The following KLF12 variants were observed in gnomAD, a reference collection of about 807,000 sequenced individuals.
The protein encoded by KLF12 is KLF transcription factor 12, also known as Krueppel-like factor 12.
KLF12 carries 9 observed loss-of-function variants against 37.8 expected under a neutral mutation model. The observed-to-expected ratio is 0.24, with a 90% CI of 0.14 to 0.42. KLF12 has a LOEUF of 0.42. Ranked by LOEUF, KLF12 falls within the 10% of genes least tolerant of loss-of-function variation. KLF12 has a pLI of 1.00. For synonymous variants in KLF12, 208 were observed against 202.1 expected (o/e 1.03, Z -0.25); for missense variants, 411 against 516.0 (o/e 0.80, Z 1.97).
At chr13:74,194,791 G>T in the KLF12 span, among the ~76,000 whole-genome samples, 1 of 152,218 alleles carries the variant, frequency 6.6e-6, no homozygotes, top group Non-Finnish European at 1.5e-5. Context: ...TGAGATAGAT[G>T]TCACTCCCAT....
the KLF12 span, among the ~76,000 whole-genome samples, chr13:74,296,850 G>A: frequency 6.6e-6 from 1 of 152,144 alleles, no homozygotes; most frequent in Non-Finnish European, 1.5e-5. Flanking sequence ...ATTTGTAACA[G>A]ACTGTCCAGG....
chr13:73,735,507 C>T (rs1476274929), intron 6 of KLF12, among the ~76,000 whole-genome samples: 1 of 151,954 alleles, frequency 6.6e-6, no homozygotes, highest in African/African-American at 2.4e-5. Flanking sequence ...TGAGCCAGGT[C>T]GTGTCAAGTG....
intron 5 of KLF12, among the ~76,000 whole-genome samples, chr13:73,811,784 C>T (rs1172742824): frequency 6.6e-6 from 1 of 152,114 alleles, no homozygotes; most frequent in Admixed American, 6.6e-5. Context: ...ATCTTGTTTT[C>T]TCTGATGTAT....
intron 1 of KLF12, among the ~76,000 whole-genome samples, chr13:74,017,393 C>A (rs1226827314): frequency 6.7e-6 from 1 of 149,152 alleles, no homozygotes; most frequent in Non-Finnish European, 1.5e-5. Flanking sequence ...TCATTTGATT[C>A]TATTTGAGAT....
intron 1 of KLF12, among the ~76,000 whole-genome samples, chr13:74,000,159 C>T (rs577412942): frequency 1.4e-4 from 22 of 152,234 alleles, no homozygotes; most frequent in African/African-American, 5.3e-4. Flanking sequence ...CCTATTTCTA[C>T]CCCCCTACAT....
intron 5 of KLF12, among the ~76,000 whole-genome samples, chr13:73,779,665 C>T (rs1216087138): frequency 2.0e-5 from 3 of 152,220 alleles, no homozygotes; most frequent in Admixed American, 2.0e-4. Flanking sequence ...TTCCCAAGTT[C>T]TAGTTAGACA....
At chr13:73,753,458 T>C (rs1178780966) in intron 6 of KLF12, among the ~76,000 whole-genome samples, 1 of 152,138 alleles carries the variant, frequency 6.6e-6, no homozygotes, top group Non-Finnish European at 1.5e-5. Flanking sequence ...TACATTTTCA[T>C]CAAGGCACTT....
chr13:74,133,671 G>T (rs1195120228), intron 1 of KLF12, among the ~76,000 whole-genome samples: 1 of 85,820 alleles, frequency 1.2e-5, no homozygotes, highest in Non-Finnish European at 2.8e-5. Context: ...TCTGATTTGG[G>T]ATGGCAAAAA....
At chr13:73,916,478 C>A (rs1433285377) in intron 3 of KLF12, among the ~76,000 whole-genome samples, 1 of 152,146 alleles carries the variant, frequency 6.6e-6, no homozygotes, top group African/African-American at 2.4e-5. Context: ...TACCCCACAA[C>A]ACCCCAGAAT....
chr13:73,791,991 T>A (rs1881713265), intron 5 of KLF12, among the ~76,000 whole-genome samples: 1 of 152,256 alleles, frequency 6.6e-6, no homozygotes, highest in South Asian at 2.1e-4. Flanking sequence ...CAACTGCTTT[T>A]ACCTCCATGT....
intron 6 of KLF12, among the ~76,000 whole-genome samples, chr13:73,736,213 C>T (rs567781497): frequency 6.6e-6 from 1 of 152,240 alleles, no homozygotes; most frequent in South Asian, 2.1e-4. Context: ...AAGGACTTAT[C>T]TCCCAGCCAT....
At chr13:74,023,999 C>A (rs1892910809) in intron 1 of KLF12, among the ~76,000 whole-genome samples, 2 of 152,166 alleles carry the variant, frequency 1.3e-5, no homozygotes, top group African/African-American at 4.8e-5. Flanking sequence ...TGCACTGGAG[C>A]CCCACTGCAA....
At chr13:74,010,955 T>C (rs1892535170) in intron 1 of KLF12, among the ~76,000 whole-genome samples, 1 of 152,208 alleles carries the variant, frequency 6.6e-6, no homozygotes, top group African/African-American at 2.4e-5. Flanking sequence ...CCAGCATTCC[T>C]ACTTATGTAG....
chr13:73,976,971 C>T (rs1891544027), intron 2 of KLF12, among the ~76,000 whole-genome samples: 1 of 151,084 alleles, frequency 6.6e-6, no homozygotes, highest in Non-Finnish European at 1.5e-5. Flanking sequence ...AGTAAGGTCG[C>T]AGAAATTTTA....
intron 1 of KLF12, among the ~76,000 whole-genome samples, chr13:74,038,916 A>G (rs1033559137): frequency 2.0e-5 from 3 of 152,140 alleles, no homozygotes; most frequent in East Asian, 1.9e-4. Context: ...AGGGGAAAAA[A>G]AAATGCTTTA....
chr13:74,179,690 T>G, the KLF12 span, among the ~76,000 whole-genome samples: 2 of 152,186 alleles, frequency 1.3e-5, no homozygotes, highest in Admixed American at 6.5e-5. Flanking sequence ...TAAGGTTGCT[T>G]TATCAAAATC....
chr13:74,140,314 T>G, the KLF12 span, among the ~76,000 whole-genome samples: 37,064 of 151,966 alleles, frequency 0.24, 6,333 homozygotes, highest in African/African-American at 0.49. Flanking sequence ...CTTGAGGCCA[T>G]AAGTTCGAAA....
chr13:73,970,972 CAT>C (rs1891318649), intron 2 of KLF12, among the ~76,000 whole-genome samples: 1 of 152,038 alleles, frequency 6.6e-6, no homozygotes, highest in African/African-American at 2.4e-5. Context: ...AAAATGTTAA[CAT>C]TGACTGAGAG....
chr13:74,301,508 T>G, the KLF12 span, among the ~76,000 whole-genome samples: 1 of 152,204 alleles, frequency 6.6e-6, no homozygotes, highest in Non-Finnish European at 1.5e-5. Context: ...CTATATTTTC[T>G]TCGTGAGTTT....
Sources: gnomAD v4.1 joint callset for allele counts (sites outside exome capture counted in the v4.1 genomes callset) on GRCh38, gnomAD v4.1.1 for gene constraint, MANE v1.5 for transcripts, NCBI Gene and HGNC (gene_info 2026-07-23, HGNC 2026-07-21) for gene names.